ABCA13: variants seen among roughly 807,000 people sequenced by gnomAD.
ABCA13 encodes ATP binding cassette subfamily A member 13.
ABCA13 carries 476 observed loss-of-function variants against 478.7 expected under a neutral mutation model. The ratio of observed to expected loss-of-function variants is 0.99; its 90% CI spans 0.92 to 1.07. The LOEUF is 1.07. Among genes scored for constraint, ABCA13 ranks in the 50% least tolerant of loss-of-function variants. The pLI is 0.00. For missense variants in ABCA13, 6,060 were observed against 5,910.6 expected, an observed-to-expected ratio of 1.03 and a Z score of -0.83; for synonymous variants, 2,252 against 2,158.9, an observed-to-expected ratio of 1.04 and a Z score of -1.20.
intron 31 of ABCA13, among the ~76,000 whole-genome samples, chr7:48,359,582 G>C (rs1006117650): frequency 2.0e-5 from 3 of 151,908 alleles, no homozygotes; most frequent in African/African-American, 7.3e-5. Flanking sequence ...GTCTCCCCAT[G>C]GTTGATGTGG....
intron 15 of ABCA13, among the ~76,000 whole-genome samples, chr7:48,252,797 A>G (rs527578766): frequency 5.3e-5 from 8 of 152,192 alleles, no homozygotes; most frequent in African/African-American, 1.9e-4. Flanking sequence ...AGAGGCCTGC[A>G]TTTCTTTAGC....
Position 48,240,933 on chromosome 7 carries a change from G to A in ABCA13, c.1129G>A (p.Glu377Lys), listed in dbSNP as rs1335716562. 1 of 1,613,168 alleles carries A rather than the reference G, an allele frequency of 6.2e-7. No homozygotes were observed. Among genetic ancestry groups the A allele is most frequent in the Non-Finnish European group, 8.5e-7 (1 of 1,179,432 alleles). ...ACTCACAGGCATGGGCCATAGTCTG[G>A]AGGCTCTCAGGAATCAGTTTGAAGA... is the stretch of plus-strand genomic sequence containing the variant. Reference protein sequence around the residue: ...KTLTGMGHSLEALRNQFEEES... With the variant: ...KTLTGMGHSLKALRNQFEEES... Residue 377 changes from glutamate (E) to lysine (K), a missense_variant, in exon 10 of 62, where the codon GAG becomes AAG. By Grantham distance (56) the Glu-to-Lys change is moderately conservative. This residue lies in a region of ABCA13 where 4,423 missense variants were observed against 4,309.1 expected (regional missense o/e 1.03). Coordinates refer to ENST00000435803, the MANE Select transcript of ABCA13 (RefSeq NM_152701.5).
chr7:48,408,231 T>C (rs1249445955), intron 39 of ABCA13, among the ~76,000 whole-genome samples: 1 of 152,140 alleles, frequency 6.6e-6, no homozygotes, highest in Non-Finnish European at 1.5e-5. Context: ...TCCCTCCTTC[T>C]CCTCCCTCCC....
intron 23 of ABCA13, among the ~76,000 whole-genome samples, chr7:48,304,574 C>T (rs1352591875): frequency 2.0e-5 from 3 of 151,486 alleles, no homozygotes; most frequent in African/African-American, 4.9e-5. Flanking sequence ...TAATGATCAG[C>T]GATGGAACAA....
chr7:48,544,495 T>C (rs1437350385), intron 55 of ABCA13, among the ~76,000 whole-genome samples: 1 of 151,224 alleles, frequency 6.6e-6, no homozygotes, highest in East Asian at 1.9e-4. Context: ...GACCAACGAT[T>C]TATTCAACCA....
At chr7:48,242,037 A>G (rs1317800961) in intron 10 of ABCA13, among the ~76,000 whole-genome samples, 1 of 152,222 alleles carries the variant, frequency 6.6e-6, no homozygotes. Flanking sequence ...TGTTCTAGGC[A>G]AAGGGCAGGG....
chr7:48,281,832 C>T lies in ABCA13; in HGVS notation c.8836+380C>T, dbSNP rs902713094. Among the ~76,000 whole-genome samples, 6 of 152,182 alleles carry T rather than the reference C, an allele frequency of 3.9e-5. No homozygotes were observed. The East Asian group carries it at 7.7e-4, about 20-fold the overall frequency. Reference sequence around the variant, plus strand: ...AAAGACCTTGAGGAGACTTTGATCACGTGCAGTATCGTACTTTCTTCTTTC... The same window carrying T: ...AAAGACCTTGAGGAGACTTTGATCATGTGCAGTATCGTACTTTCTTCTTTC... On this transcript the variant is annotated intron_variant, in intron 19 of 61. Coordinates refer to ENST00000435803, the MANE Select transcript of ABCA13 (RefSeq NM_152701.5).
intron 59 of ABCA13, among the ~76,000 whole-genome samples, chr7:48,636,256 A>G (rs950985043): frequency 5.9e-5 from 9 of 152,230 alleles, no homozygotes; most frequent in African/African-American, 2.2e-4. Flanking sequence ...ACAACTGTTC[A>G]CAAAGCAAGG....
rs544519754 is a variant in ABCA13 at position 48,593,242 on chromosome 7, T to G, written c.14641-1468T>G. 4.4e-4 allele frequency among the ~76,000 whole-genome samples: 65 copies of G among 147,898 alleles called. 1 individual carries two copies. The highest frequency in any genetic ancestry group is 7.2e-4 in the Non-Finnish European group (48 of 66,594). ...TGATTCATTTCTGTTTTTTTTTCTTTTGTGTGTGTGTGTGTGTGTATGTGT... is the reference window on the plus strand; with the variant it reads ...TGATTCATTTCTGTTTTTTTTTCTTGTGTGTGTGTGTGTGTGTGTATGTGT... On this transcript the variant is annotated intron_variant, in intron 57 of 61. Transcript: ENST00000435803.
intron 55 of ABCA13, among the ~76,000 whole-genome samples, chr7:48,535,874 A>G (rs957188568): frequency 4.6e-5 from 7 of 152,142 alleles, no homozygotes; most frequent in Non-Finnish European, 1.0e-4. Flanking sequence ...GGCCCTCCCA[A>G]CAGCATCAAG....
chr7:48,613,359 T>C (rs1034928449), intron 58 of ABCA13, among the ~76,000 whole-genome samples: 3 of 152,032 alleles, frequency 2.0e-5, no homozygotes, highest in African/African-American at 7.2e-5. Flanking sequence ...TGGCTAAATT[T>C]TTGTACTTTT....
chr7:48,252,883 C>A (rs192388877), intron 15 of ABCA13, among the ~76,000 whole-genome samples: 1 of 152,104 alleles, frequency 6.6e-6, no homozygotes, highest in African/African-American at 2.4e-5. Flanking sequence ...TGTCTTGATA[C>A]GTTCTCTTGA....
chr7:48,550,517 C>A (rs1307336558), intron 55 of ABCA13, among the ~76,000 whole-genome samples: 1 of 151,792 alleles, frequency 6.6e-6, no homozygotes, highest in East Asian at 1.9e-4. Context: ...CCTCAGCCTC[C>A]CAAAGTGCTG....
intron 52 of ABCA13, among the ~76,000 whole-genome samples, chr7:48,519,759 C>T (rs1832402298): frequency 1.3e-5 from 2 of 152,144 alleles, no homozygotes; most frequent in Non-Finnish European, 2.9e-5. Context: ...CACCTTTGTT[C>T]ATACTTGTGT....
At chr7:48,195,472 G>A (rs1797801281) in intron 2 of ABCA13, among the ~76,000 whole-genome samples, 1 of 152,148 alleles carries the variant, frequency 6.6e-6, no homozygotes. Context: ...GGTAAGATGG[G>A]AAGAAACAAC....
chr7:48,272,803 C>G lies in ABCA13; in HGVS notation c.3137C>G (p.Ser1046Cys). Residue 1046 changes from serine (S) to cysteine (C), a missense_variant, in exon 17 of 62, where the codon TCC becomes TGC. Around this residue, in one of 3 missense-constraint regions of ABCA13, gnomAD observed 4,423 missense variants for 4,309.1 expected, o/e 1.03. Transcript: ENST00000435803. The part of the protein sequence containing the change: ...IFNFLELQAQ[S>C]FMSTEGQELE... ...AACTTTTTGGAGCTTCAGGCCCAATCCTTCATGTCTACAGAGGGCCAAGAA... is the reference window on the plus strand; with the variant it reads ...AACTTTTTGGAGCTTCAGGCCCAATGCTTCATGTCTACAGAGGGCCAAGAA... The G allele has an allele frequency of 1.2e-6, 2 of 1,605,716 alleles. No individual in the cohort carries two copies. The highest frequency in any genetic ancestry group is 2.2e-5 in the South Asian group (2 of 90,068).
At chr7:48,633,072 AAATT>A (rs1354304372) in intron 59 of ABCA13, among the ~76,000 whole-genome samples, 6 of 152,194 alleles carry the variant, frequency 3.9e-5, no homozygotes, top group Admixed American at 1.3e-4. Flanking sequence ...GACAAAAAGT[AAATT>A]AATTGTCATC....
chr7:48,510,351 A>G (rs76739112), intron 50 of ABCA13, among the ~76,000 whole-genome samples: 2,014 of 152,180 alleles, frequency 0.013, 21 homozygotes, highest in Middle Eastern at 0.048. Flanking sequence ...AGGCTCTAAG[A>G]GAAGAAGGAA....
chr7:48,360,973 G>C (rs1810730522), intron 31 of ABCA13, among the ~76,000 whole-genome samples: 2 of 151,688 alleles, frequency 1.3e-5, no homozygotes, highest in African/African-American at 4.9e-5. Context: ...GGTGTGTTCT[G>C]TAGTCCCAGC....
Sources: gnomAD v4.1 joint callset for allele counts (sites outside exome capture counted in the v4.1 genomes callset) on GRCh38, gnomAD v4.1.1 for gene constraint, gnomAD v4.1.1 regional missense constraint, MANE v1.5 for transcripts, NCBI Gene and HGNC (gene_info 2026-07-23, HGNC 2026-07-21) for gene names.